ZMIZ1: variants seen among roughly 807,000 people sequenced by gnomAD.
The protein encoded by ZMIZ1 is zinc finger MIZ-type containing 1, also known as zinc finger MIZ domain-containing protein 1.
In ZMIZ1, 17 loss-of-function variants were observed where a neutral mutation model predicts 113.9. That is an observed-to-expected ratio of 0.15 (90% confidence interval 0.10 to 0.22). The LOEUF is 0.22. Among genes scored for constraint, ZMIZ1 ranks in the 10% least tolerant of loss-of-function variants. The pLI is 1.00. For synonymous variants in ZMIZ1, 607 were observed against 603.1 expected (o/e 1.01, Z -0.09); for missense variants, 1,059 against 1,477.8 (o/e 0.72, Z 4.65).
chr10:79,291,274 G>C (rs558513421), intron 10 of ZMIZ1, 98 bp downstream of exon 10: 1 of 1,359,474 alleles, frequency 7.4e-7, no homozygotes, highest in South Asian at 1.5e-5. Context: ...CACGCTTTCT[G>C]CCCTGAGAAG....
At chr10:79,206,545 G>A (rs112664457) in intron 5 of ZMIZ1, among the ~76,000 whole-genome samples, 1 of 152,204 alleles carries the variant, frequency 6.6e-6, no homozygotes, top group African/African-American at 2.4e-5. Flanking sequence ...GTGAGGACCC[G>A]CCGCTGCCCT....
chr10:79,118,572 C>T lies in ZMIZ1; in HGVS notation c.-336-343C>T, dbSNP rs1002431766. Among the ~76,000 whole-genome samples the T allele has an allele frequency of 2.0e-5, 3 of 152,142 alleles. No homozygotes were observed. Among genetic ancestry groups the T allele is most frequent in the Non-Finnish European group, 2.9e-5 (2 of 68,014 alleles). Reference sequence around the variant, plus strand: ...GAGAAGTGGGGAGAAGAGCTCTGAGCGGGGCACCCAGCGTGTGCCAAGGCC... The same window carrying T: ...GAGAAGTGGGGAGAAGAGCTCTGAGTGGGGCACCCAGCGTGTGCCAAGGCC... On this transcript the variant is annotated intron_variant, in intron 1 of 24. Transcript: ENST00000334512. The surrounding 1 kb of genome is among the most constrained non-coding windows in gnomAD (Gnocchi z 4.1).
At chr10:79,199,241 C>G (rs556674969) in intron 4 of ZMIZ1, among the ~76,000 whole-genome samples, 1 of 152,228 alleles carries the variant, frequency 6.6e-6, no homozygotes, top group South Asian at 2.1e-4. Context: ...GGCGTGGTGG[C>G]TCACACCTGT....
intron 4 of ZMIZ1, among the ~76,000 whole-genome samples, chr10:79,197,557 C>T (rs1372034395): frequency 1.3e-5 from 2 of 150,768 alleles, no homozygotes; most frequent in Non-Finnish European, 1.5e-5. Flanking sequence ...AAGTAGCAAG[C>T]GGAGCTGCCC....
At chr10:79,310,386 C>T (rs895761397) in intron 23 of ZMIZ1, among the ~76,000 whole-genome samples, 3 of 152,212 alleles carry the variant, frequency 2.0e-5, no homozygotes, top group African/African-American at 4.8e-5. Context: ...TGGCAGAAGG[C>T]GCCTTCGTAC....
chr10:79,078,007 C>A (rs1259674890), intron 1 of ZMIZ1, among the ~76,000 whole-genome samples: 1 of 152,224 alleles, frequency 6.6e-6, no homozygotes, highest in Non-Finnish European at 1.5e-5. Flanking sequence ...CAACTCCCTG[C>A]CGTTTTCCAC....
intron 3 of ZMIZ1, among the ~76,000 whole-genome samples, chr10:79,147,629 G>T (rs1845545746): frequency 1.3e-5 from 2 of 152,170 alleles, no homozygotes; most frequent in South Asian, 4.1e-4. Context: ...CATTGGATGG[G>T]CAGCATCACC....
At position 79,078,719 on chromosome 10, in the gene ZMIZ1, A is replaced by ATTTTTTTTTTT. The variant is rs10673987; in HGVS notation, c.-337+9452_-337+9462dup. On this transcript the variant is annotated intron_variant, in intron 1 of 24. Transcript: ENST00000334512. ...GCACCCATGCCCAGCTAATTTTTGT[A>ATTTTTTTTTTT]TTTTTTTTTTTTTGCATATGGTGTT... Among the ~76,000 whole-genome samples, 28 of 125,080 alleles carry ATTTTTTTTTTT rather than the reference A, an allele frequency of 2.2e-4. 3 individuals are homozygous for ATTTTTTTTTTT. Among genetic ancestry groups the ATTTTTTTTTTT allele is most frequent in the African/African-American group, 7.6e-4 (24 of 31,764 alleles). The allele number at this position is 125,080 out of a possible 152,430, so 82.1% of individuals were successfully genotyped here. A position where few individuals can be genotyped will look rare whatever the true frequency, so the allele number is the denominator to read the frequency against.
chr10:79,253,439 T>C (rs142203929), intron 7 of ZMIZ1, among the ~76,000 whole-genome samples: 4 of 152,302 alleles, frequency 2.6e-5, no homozygotes, highest in Non-Finnish European at 4.4e-5. Flanking sequence ...CCCTTGGGGC[T>C]TACGGGTACC....
intron 23 of ZMIZ1, among the ~76,000 whole-genome samples, chr10:79,309,744 G>A (rs1027090694): frequency 1.3e-5 from 2 of 152,208 alleles, no homozygotes; most frequent in African/African-American, 2.4e-5. Flanking sequence ...ATGCACACAG[G>A]AAGAACATGT....
intron 4 of ZMIZ1, 138 bp downstream of exon 4, chr10:79,162,271 CT>C: frequency 2.5e-6 from 1 of 396,830 alleles, no homozygotes; most frequent in Non-Finnish European, 4.4e-6. Context: ...CACAAGCCAC[CT>C]TTGCTGGGAC....
At chr10:79,184,670 G>T (rs561400574) in intron 4 of ZMIZ1, among the ~76,000 whole-genome samples, 2 of 152,258 alleles carry the variant, frequency 1.3e-5, no homozygotes, top group South Asian at 4.1e-4. Context: ...TTTCTCTCTG[G>T]GAAGATGGGC....
intron 1 of ZMIZ1, among the ~76,000 whole-genome samples, chr10:79,109,269 G>A (rs781175962): frequency 2.0e-5 from 3 of 152,168 alleles, no homozygotes; most frequent in African/African-American, 4.8e-5. Flanking sequence ...TGTGTGCATG[G>A]GTCTGTGTGC....
chr10:79,096,428 C>T (rs1843170220), intron 1 of ZMIZ1, among the ~76,000 whole-genome samples: 3 of 152,112 alleles, frequency 2.0e-5, no homozygotes, highest in African/African-American at 4.8e-5. Flanking sequence ...AGGAGAATGG[C>T]GTGAACCCGG....
chr10:79,103,554 C>T lies in ZMIZ1; in HGVS notation c.-336-15361C>T, dbSNP rs185825667. Among the ~76,000 whole-genome samples, 64 of 152,062 alleles carry T rather than the reference C, an allele frequency of 4.2e-4. No individual in the cohort carries two copies. The East Asian group carries it at 0.012, about 28-fold the overall frequency. On this transcript the variant is annotated intron_variant, in intron 1 of 24. Transcript: ENST00000334512. Reference sequence around the variant, plus strand: ...GGTGGGGGTGGAGAGGGCATTTGATCCAAAAGGAGGGCGGAGGGAGAACAG... The same window carrying T: ...GGTGGGGGTGGAGAGGGCATTTGATTCAAAAGGAGGGCGGAGGGAGAACAG...
intron 2 of ZMIZ1, among the ~76,000 whole-genome samples, chr10:79,124,002 G>T (rs1228024646): frequency 6.6e-6 from 1 of 152,222 alleles, no homozygotes; most frequent in Non-Finnish European, 1.5e-5. Flanking sequence ...CTCCACCCCA[G>T]CCTCTGCAGC....
At chr10:79,105,283 G>A (rs1231766743) in intron 1 of ZMIZ1, among the ~76,000 whole-genome samples, 2 of 152,208 alleles carry the variant, frequency 1.3e-5, no homozygotes, top group Non-Finnish European at 2.9e-5. Flanking sequence ...GCATAGAGAA[G>A]GTGGTGGCAG....
At chr10:79,249,372 C>G (rs377694802) in intron 7 of ZMIZ1, among the ~76,000 whole-genome samples, 21 of 152,212 alleles carry the variant, frequency 1.4e-4, no homozygotes, top group Admixed American at 6.5e-4. Flanking sequence ...TCGTGACTTG[C>G]ATCCACGCTG....
At chr10:79,307,618 T>C (rs1377745272) in intron 23 of ZMIZ1, 47 bp downstream of exon 23, 1 of 1,584,336 alleles carries the variant, frequency 6.3e-7, no homozygotes, top group Non-Finnish European at 8.6e-7. Context: ...CCTTTGGGGT[T>C]GATGCCTTGG....
Sources: allele counts gnomAD v4.1 joint callset (sites outside exome capture counted in the v4.1 genomes callset), GRCh38; gene constraint gnomAD v4.1.1; non-coding constraint Gnocchi (gnomAD v3.1); transcripts MANE v1.5; gene names NCBI Gene and HGNC (gene_info 2026-07-23, HGNC 2026-07-21).